SLC14A2: variants seen among roughly 807,000 people sequenced by gnomAD.
The protein encoded by SLC14A2 is urea transporter 2.
Under a neutral mutation model 104.6 loss-of-function variants are expected in SLC14A2, and 91 were observed. The ratio of observed to expected loss-of-function variants is 0.87; its 90% CI spans 0.73 to 1.04. SLC14A2 has a LOEUF of 1.04. SLC14A2 is among the 50% of genes least tolerant of loss of function. The probability of loss-of-function intolerance (pLI) is 0.00; values close to 1 mark genes in which losing one functional copy is unlikely to be tolerated. For missense variants in SLC14A2, 1,189 were observed against 1,156.0 expected, an observed-to-expected ratio of 1.03 and a Z score of -0.41; for synonymous variants, 476 against 466.4, an observed-to-expected ratio of 1.02 and a Z score of -0.27.
intron 1 of SLC14A2, among the ~76,000 whole-genome samples, chr18:45,217,574 C>T (rs1256839111): frequency 2.6e-4 from 39 of 152,076 alleles, no homozygotes; most frequent in Non-Finnish European, 2.9e-5. Context: ...TCTTCCTCCC[C>T]CACATCCCTA....
At chr18:45,441,796 C>T (rs1352547283) in intron 1 of SLC14A2, among the ~76,000 whole-genome samples, 1 of 152,194 alleles carries the variant, frequency 6.6e-6, no homozygotes, top group African/African-American at 2.4e-5. Context: ...ATGAAGCATG[C>T]ACTGCATTTG....
At chr18:45,425,864 A>AT (rs910062605) in intron 1 of SLC14A2, among the ~76,000 whole-genome samples, 6 of 150,824 alleles carry the variant, frequency 4.0e-5, no homozygotes, top group Non-Finnish European at 7.4e-5. Flanking sequence ...GTCCTAGGGT[A>AT]TTTTTTTTTA....
chr18:45,369,235 C>T (rs35757325), intron 1 of SLC14A2, among the ~76,000 whole-genome samples: 2,617 of 152,266 alleles, frequency 0.017, 46 homozygotes, highest in Middle Eastern at 0.027. Flanking sequence ...GTTTAGTCTC[C>T]GATGAAGGAA....
At chr18:45,182,815 C>T in the SLC14A2 span, among the ~76,000 whole-genome samples, 1 of 152,054 alleles carries the variant, frequency 6.6e-6, no homozygotes, top group East Asian at 1.9e-4. Flanking sequence ...TACATTTGTA[C>T]ATAGGAAAAT....
intron 2 of SLC14A2, among the ~76,000 whole-genome samples, chr18:45,492,508 A>G (rs1380422007): frequency 6.6e-6 from 1 of 152,182 alleles, no homozygotes; most frequent in East Asian, 1.9e-4. Flanking sequence ...AGAATTCACT[A>G]TCACGAAAAC....
At chr18:45,193,767 G>T in the SLC14A2 span, among the ~76,000 whole-genome samples, 3 of 151,536 alleles carry the variant, frequency 2.0e-5, no homozygotes, top group Non-Finnish European at 4.4e-5. Context: ...GTGGGATTTT[G>T]ATTAGAATTA....
intron 1 of SLC14A2, among the ~76,000 whole-genome samples, chr18:45,367,146 G>A (rs1185832100): frequency 6.6e-6 from 1 of 152,168 alleles, no homozygotes; most frequent in Non-Finnish European, 1.5e-5. Flanking sequence ...TTTCAGTTTG[G>A]AGTAAGAGAA....
chr18:45,204,519 T>C, the SLC14A2 span, among the ~76,000 whole-genome samples: 48 of 152,260 alleles, frequency 3.2e-4, no homozygotes, highest in African/African-American at 1.2e-3. Flanking sequence ...TAAGTGTGGG[T>C]TTAAAGTCAA....
chr18:45,185,598 C>G, the SLC14A2 span, among the ~76,000 whole-genome samples: 1 of 152,158 alleles, frequency 6.6e-6, no homozygotes, highest in Non-Finnish European at 1.5e-5. Context: ...ACAAGGATGT[C>G]TACCCTATCA....
At chr18:45,533,569 T>A (rs991195564) in intron 2 of SLC14A2, among the ~76,000 whole-genome samples, 18 of 152,210 alleles carry the variant, frequency 1.2e-4, no homozygotes, top group Non-Finnish European at 2.6e-4. Context: ...TTTTATTGCG[T>A]CTATTTGATT....
intron 1 of SLC14A2, among the ~76,000 whole-genome samples, chr18:45,219,610 A>G (rs2084042616): frequency 1.3e-5 from 2 of 152,238 alleles, no homozygotes; most frequent in Admixed American, 6.5e-5. Context: ...GAGCTAAAAG[A>G]AAAACAGTTC....
chr18:45,646,392 C>T (rs897811282), intron 10 of SLC14A2: 4 of 152,140 alleles, frequency 2.6e-5, no homozygotes, highest in African/African-American at 7.2e-5. Flanking sequence ...GTTTCCAGAA[C>T]AGATTCAATT....
At chr18:45,404,469 C>T (rs556120296) in intron 1 of SLC14A2, among the ~76,000 whole-genome samples, 2 of 152,266 alleles carry the variant, frequency 1.3e-5, no homozygotes, top group Admixed American at 6.5e-5. Context: ...AAGTGTCTCC[C>T]TTATGTTACT....
chr18:45,669,994 G>A (rs1348619872), intron 16 of SLC14A2, among the ~76,000 whole-genome samples: 1 of 152,204 alleles, frequency 6.6e-6, no homozygotes, highest in African/African-American at 2.4e-5. Context: ...TGGGCCTGGT[G>A]GCACATGCCT....
chr18:45,210,285 A>G (rs2143964533), upstream of SLC14A2, among the ~76,000 whole-genome samples: 1 of 152,358 alleles, frequency 6.6e-6, no homozygotes, highest in South Asian at 2.1e-4. Flanking sequence ...CTCCAAAAGC[A>G]GTACTCCTTT....
chr18:45,199,703 A>G, the SLC14A2 span, among the ~76,000 whole-genome samples: 1 of 152,132 alleles, frequency 6.6e-6, no homozygotes, highest in South Asian at 2.1e-4. Context: ...ATGTCACCTC[A>G]AACCTCTTGG....
At chr18:45,667,373 G>C (rs1288326603) in intron 13 of SLC14A2, among the ~76,000 whole-genome samples, 16 of 152,184 alleles carry the variant, frequency 1.1e-4, no homozygotes, top group Non-Finnish European at 2.9e-5. Flanking sequence ...GAATATTGCA[G>C]ACAGGTGTTT....
chr18:45,237,298 C>T (rs957769406), intron 1 of SLC14A2, among the ~76,000 whole-genome samples: 4 of 152,150 alleles, frequency 2.6e-5, no homozygotes, highest in African/African-American at 7.2e-5. Context: ...AAACACTAGA[C>T]CCCTTGTTTT....
chr18:45,368,396 T>C (rs1389574238), intron 1 of SLC14A2, among the ~76,000 whole-genome samples: 1 of 152,138 alleles, frequency 6.6e-6, no homozygotes, highest in African/African-American at 2.4e-5. Flanking sequence ...ACTCAGAAAC[T>C]CTGGTCCCTT....
Sources: gnomAD v4.1 joint callset for allele counts (sites outside exome capture counted in the v4.1 genomes callset) on GRCh38, gnomAD v4.1.1 for gene constraint, MANE v1.5 for transcripts, NCBI Gene and HGNC (gene_info 2026-07-23, HGNC 2026-07-21) for gene names.